The following KCNIP4 variants were observed in gnomAD, a reference collection of about 807,000 sequenced individuals.
KCNIP4 encodes the protein Kv channel-interacting protein 4.
A neutral mutation model predicts 34.0 loss-of-function variants in KCNIP4; 12 were observed. That is an observed-to-expected ratio of 0.35 (90% CI 0.23 to 0.57). The LOEUF (loss-of-function observed/expected upper bound fraction) is 0.57, where lower values mean the gene tolerates loss of function less well. Among genes scored for constraint, KCNIP4 ranks in the 20% least tolerant of loss-of-function variants. KCNIP4 has a pLI of 0.83. For synonymous variants in KCNIP4, 124 were observed against 102.2 expected (o/e 1.21, Z -1.29); for missense variants, 238 against 311.7 (o/e 0.76, Z 1.78).
chr4:21,466,083 G>A (rs1729904462), intron 1 of KCNIP4, among the ~76,000 whole-genome samples: 1 of 152,094 alleles, frequency 6.6e-6, no homozygotes, highest in East Asian at 1.9e-4. Context: ...CAACACACAA[G>A]TTCACTATGC....
chr4:21,418,125 G>C (rs1466664826), intron 1 of KCNIP4, among the ~76,000 whole-genome samples: 1 of 116,014 alleles, frequency 8.6e-6, no homozygotes, highest in South Asian at 2.6e-4. Flanking sequence ...AAGGCTCTGT[G>C]ATGATAACTA....
rs148468636 is a variant in KCNIP4, at chr4:20,914,364, C to T, written c.62-31655G>A. Among the ~76,000 whole-genome samples, 307 of 152,152 alleles carry T rather than the reference C, an allele frequency of 2.0e-3. 1 individual carries two copies. The highest frequency in any genetic ancestry group is 7.3e-3 in the African/African-American group (301 of 41,512). On this transcript the variant is annotated intron_variant, in intron 1 of 8. Transcript: ENST00000382152. Reference sequence around the variant, plus strand: ...GGTGATTAGGTCATGAGGATGGAGTCCTCATAAATGCAATGAGTGCTCTCA... The same window carrying T: ...GGTGATTAGGTCATGAGGATGGAGTTCTCATAAATGCAATGAGTGCTCTCA...
intron 1 of KCNIP4, among the ~76,000 whole-genome samples, chr4:21,400,346 C>T (rs1723372167): frequency 7.1e-6 from 1 of 141,810 alleles, no homozygotes; most frequent in South Asian, 2.2e-4. Context: ...GGGGGAAAGG[C>T]CAACTCTGAA....
At chr4:21,671,926 C>T (rs770539264) in intron 1 of KCNIP4, among the ~76,000 whole-genome samples, 7 of 152,150 alleles carry the variant, frequency 4.6e-5, no homozygotes, top group Non-Finnish European at 7.3e-5. Context: ...GAACCCAGTC[C>T]TGAACTTTGA....
intron 1 of KCNIP4, among the ~76,000 whole-genome samples, chr4:21,191,100 A>C (rs1047480283): frequency 2.4e-4 from 37 of 152,314 alleles, no homozygotes; most frequent in Non-Finnish European, 4.3e-4. Context: ...CATTTATTAC[A>C]GTAAGAAGCA....
intron 1 of KCNIP4, among the ~76,000 whole-genome samples, chr4:21,284,671 T>C (rs189779132): frequency 2.0e-5 from 3 of 152,326 alleles, no homozygotes; most frequent in African/African-American, 7.2e-5. Context: ...GAGTTTTTCC[T>C]GTCTTAAGAC....
chr4:21,899,581 T>C (rs746211917), intron 1 of KCNIP4, among the ~76,000 whole-genome samples: 3 of 151,974 alleles, frequency 2.0e-5, no homozygotes, highest in Non-Finnish European at 2.9e-5. Flanking sequence ...GATAAAAAAA[T>C]TCAGCGAAGT....
intron 1 of KCNIP4, among the ~76,000 whole-genome samples, chr4:21,509,436 A>C (rs1218404110): frequency 6.6e-6 from 1 of 152,172 alleles, no homozygotes; most frequent in Non-Finnish European, 1.5e-5. Flanking sequence ...TTTCTACTTA[A>C]TTCCTTTGCT....
intron 1 of KCNIP4, among the ~76,000 whole-genome samples, chr4:21,790,025 G>T (rs573501255): frequency 1.3e-5 from 2 of 152,298 alleles, no homozygotes; most frequent in Non-Finnish European, 2.9e-5. Flanking sequence ...TTTTGGTTAT[G>T]AAACTGCCAT....
intron 1 of KCNIP4, among the ~76,000 whole-genome samples, chr4:21,863,650 A>G (rs1725241583): frequency 6.6e-6 from 1 of 152,228 alleles, no homozygotes; most frequent in South Asian, 2.1e-4. Context: ...GCAGTGACAC[A>G]CAGGGCTTAG....
At chr4:21,770,888 T>C (rs374128479) in intron 1 of KCNIP4, among the ~76,000 whole-genome samples, 1 of 152,182 alleles carries the variant, frequency 6.6e-6, no homozygotes, top group Non-Finnish European at 1.5e-5. Context: ...TCCCATTCTG[T>C]AGGCTGCCTG....
intron 1 of KCNIP4, among the ~76,000 whole-genome samples, chr4:21,381,893 C>T (rs1721544952): frequency 6.6e-6 from 1 of 152,190 alleles, no homozygotes; most frequent in Non-Finnish European, 1.5e-5. Flanking sequence ...TCCCACATAT[C>T]ACCAATGGTC....
At chr4:21,566,311 A>T (rs1176799011) in intron 1 of KCNIP4, among the ~76,000 whole-genome samples, 1 of 152,174 alleles carries the variant, frequency 6.6e-6, no homozygotes, top group East Asian at 1.9e-4. Context: ...TTGGATTTGT[A>T]TCCCTACCCA....
In KCNIP4 at chr4:20,802,315, G is replaced by GCA. The variant is rs374456419; in HGVS notation, c.289-43427_289-43426dup. Among the ~76,000 whole-genome samples, 632 of 145,900 alleles carry GCA rather than the reference G, an allele frequency of 4.3e-3. 15 individuals are homozygous for GCA. The highest frequency in any genetic ancestry group is 0.013 in the South Asian group (58 of 4,540). On this transcript the variant is annotated intron_variant, in intron 3 of 8. Coordinates refer to ENST00000382152, the MANE Select transcript of KCNIP4 (RefSeq NM_025221.6). ...ATATATATATGCAATATATATATATGCACACACACACACGTCTCCAACATT... is the reference window on the plus strand; with the variant it reads ...ATATATATATGCAATATATATATATGCACACACACACACACGTCTCCAACATT...
intron 1 of KCNIP4, among the ~76,000 whole-genome samples, chr4:21,566,823 G>T (rs1347275108): frequency 6.6e-6 from 1 of 152,090 alleles, no homozygotes; most frequent in East Asian, 1.9e-4. Flanking sequence ...GACATCAGTT[G>T]CTGGGGAACA....
At chr4:21,852,594 T>C (rs1268507851) in intron 1 of KCNIP4, 1 of 152,216 alleles carries the variant, frequency 6.6e-6, no homozygotes, top group Non-Finnish European at 1.5e-5. Flanking sequence ...TGTTCCCTAA[T>C]TAGAGATAGT....
chr4:21,596,586 T>A (rs1028884345), intron 1 of KCNIP4, among the ~76,000 whole-genome samples: 3 of 151,710 alleles, frequency 2.0e-5, no homozygotes, highest in Non-Finnish European at 4.4e-5. Context: ...GAGGAAAAAA[T>A]AAAAACAAAA....
Position 20,967,759 on chromosome 4 carries a change from C to A in KCNIP4, c.62-85050G>T, listed in dbSNP as rs1734518753. ...AAGCTGAAACTGGATCCCTTCCTTACACCTTATACAAAAATTAACTCAAGA... is the reference window on the plus strand; with the variant it reads ...AAGCTGAAACTGGATCCCTTCCTTAAACCTTATACAAAAATTAACTCAAGA... On this transcript the variant is annotated intron_variant, in intron 1 of 8. Transcript: ENST00000382152. 2.6e-5 allele frequency among the ~76,000 whole-genome samples: 4 copies of A among 152,130 alleles called. No homozygotes were observed. The South Asian group carries it at 6.2e-4, about 24-fold the overall frequency.
At chr4:21,366,774 CAG>C (rs1479176249) in intron 1 of KCNIP4, among the ~76,000 whole-genome samples, 1 of 151,796 alleles carries the variant, frequency 6.6e-6, no homozygotes, top group East Asian at 1.9e-4. Context: ...AATAGAGAAA[CAG>C]AGACAGGGAG....
Sources: gnomAD v4.1 joint callset for allele counts (sites outside exome capture counted in the v4.1 genomes callset) on GRCh38, gnomAD v4.1.1 for gene constraint, MANE v1.5 for transcripts, NCBI Gene and HGNC (gene_info 2026-07-23, HGNC 2026-07-21) for gene names.